The following DPYD variants were observed in gnomAD, a reference collection of about 807,000 sequenced individuals.
DPYD encodes dihydropyrimidine dehydrogenase, also known as dihydropyrimidine dehydrogenase [NADP(+)].
Under a neutral mutation model 116.2 loss-of-function variants are expected in DPYD, and 109 were observed. The observed-to-expected ratio is 0.94, with a 90% confidence interval of 0.80 to 1.10. The LOEUF (loss-of-function observed/expected upper bound fraction) is 1.10, where lower values mean the gene tolerates loss of function less well. DPYD is among the 50% of genes least tolerant of loss of function. The pLI is 0.00. For synonymous variants in DPYD, 440 were observed against 432.0 expected (o/e 1.02, Z -0.23); for missense variants, 1,302 against 1,254.5 (o/e 1.04, Z -0.57).
At chr1:97,240,307 G>GT (rs1662243692) in intron 18 of DPYD, among the ~76,000 whole-genome samples, 1 of 151,888 alleles carries the variant, frequency 6.6e-6, no homozygotes, top group Non-Finnish European at 1.5e-5. Context: ...AAGTTTATTG[G>GT]TGAAAAGGAG....
intron 19 of DPYD, among the ~76,000 whole-genome samples, chr1:97,219,006 A>G (rs374010474): frequency 6.6e-6 from 1 of 152,214 alleles, no homozygotes; most frequent in Admixed American, 6.5e-5. Flanking sequence ...AAAAATCTAA[A>G]TTTGTTTTGA....
Position 97,891,414 on chromosome 1 carries a change from C to T in DPYD, c.40-8040G>A, listed in dbSNP as rs893291382. Among the ~76,000 whole-genome samples the T allele has an allele frequency of 5.8e-5, 5 of 86,604 alleles. No homozygotes were observed. In the East Asian group the frequency reaches 1.7e-3, roughly 29 times the overall value. 56.8% of individuals were successfully genotyped at this position (86,604 alleles called of 152,430 possible). On this transcript the variant is annotated intron_variant, in intron 1 of 22. Coordinates refer to ENST00000370192, the MANE Select transcript of DPYD (RefSeq NM_000110.4). ...CACAATAAAGATACACTGGTTATTC[C>T]AGACGCAGAAAAAAAAATTAGAAAA...
chr1:97,904,871 C>T (rs944023688), intron 1 of DPYD, among the ~76,000 whole-genome samples: 2 of 151,956 alleles, frequency 1.3e-5, no homozygotes, highest in Non-Finnish European at 2.9e-5. Context: ...ACAGTTTGTA[C>T]TCAAAATTCC....
intron 18 of DPYD, among the ~76,000 whole-genome samples, chr1:97,281,446 T>C (rs1570417627): frequency 6.6e-6 from 1 of 151,826 alleles, no homozygotes; most frequent in East Asian, 1.9e-4. Flanking sequence ...ATAATTTAAA[T>C]CAAAGAGCAG....
At chr1:97,800,131 A>G (rs1471197481) in intron 3 of DPYD, among the ~76,000 whole-genome samples, 2 of 152,004 alleles carry the variant, frequency 1.3e-5, no homozygotes, top group Admixed American at 6.6e-5. Flanking sequence ...GGTAGTTTAA[A>G]TTTAAGTAAT....
intron 13 of DPYD, among the ~76,000 whole-genome samples, chr1:97,499,465 T>C (rs2101926113): frequency 6.6e-6 from 1 of 151,992 alleles, no homozygotes; most frequent in South Asian, 2.1e-4. Context: ...ATCTCCAAGA[T>C]TAATGCTAAG....
intron 8 of DPYD, among the ~76,000 whole-genome samples, chr1:97,621,247 TTAA>T (rs1473525399): frequency 6.6e-6 from 1 of 152,144 alleles, no homozygotes; most frequent in African/African-American, 2.4e-5. Flanking sequence ...GTGGTATGAA[TTAA>T]TAATTTTAAT....
At chr1:97,895,246 C>G (rs1202012930) in intron 1 of DPYD, among the ~76,000 whole-genome samples, 1 of 151,542 alleles carries the variant, frequency 6.6e-6, no homozygotes, top group Non-Finnish European at 1.5e-5. Flanking sequence ...ATAAAATACT[C>G]TCATTTACAA....
intron 20 of DPYD, among the ~76,000 whole-genome samples, chr1:97,182,627 G>C (rs2101801773): frequency 6.6e-6 from 1 of 152,178 alleles, no homozygotes; most frequent in African/African-American, 2.4e-5. Context: ...TGGGGACAAA[G>C]CTGTAATGGG....
intron 15 of DPYD, among the ~76,000 whole-genome samples, chr1:97,376,865 T>TTGTG (rs66598688): frequency 8.2e-5 from 11 of 134,722 alleles, no homozygotes; most frequent in East Asian, 2.4e-4. Context: ...AAGAGAGAGT[T>TTGTG]TGTGTGTGTG....
intron 19 of DPYD, among the ~76,000 whole-genome samples, chr1:97,213,686 T>C (rs1570683840): frequency 6.6e-6 from 1 of 152,192 alleles, no homozygotes; most frequent in East Asian, 1.9e-4. Context: ...TCCATGGGGA[T>C]AAAAAAGGAA....
intron 16 of DPYD, among the ~76,000 whole-genome samples, chr1:97,333,107 G>T (rs1433037125): frequency 6.8e-6 from 1 of 147,062 alleles, no homozygotes; most frequent in Non-Finnish European, 1.5e-5. Flanking sequence ...CACCAGGCTG[G>T]AGTGCAGTGC....
chr1:97,088,501 CA>C (rs1649676937), intron 21 of DPYD, among the ~76,000 whole-genome samples: 1 of 152,120 alleles, frequency 6.6e-6, no homozygotes, highest in African/African-American at 2.4e-5. Context: ...CTGAAGTTTG[CA>C]AAGGCTTTCA....
At chr1:97,566,501 A>G (rs1036362807) in intron 11 of DPYD, among the ~76,000 whole-genome samples, 5 of 152,154 alleles carry the variant, frequency 3.3e-5, no homozygotes, top group African/African-American at 1.2e-4. Flanking sequence ...ATTCTTACTT[A>G]TATTAATCCT....
At chr1:97,220,577 T>G (rs1156444286) in intron 19 of DPYD, among the ~76,000 whole-genome samples, 2 of 152,168 alleles carry the variant, frequency 1.3e-5, no homozygotes, top group East Asian at 3.9e-4. Flanking sequence ...GCCTGGGATA[T>G]AGTGGGGCTC....
chr1:97,151,744 C>G (rs1655042224), intron 20 of DPYD, among the ~76,000 whole-genome samples: 1 of 151,868 alleles, frequency 6.6e-6, no homozygotes, highest in South Asian at 2.1e-4. Flanking sequence ...GAAAGATTAT[C>G]TGGTACTATG....
intron 1 of DPYD, among the ~76,000 whole-genome samples, chr1:97,918,066 G>T (rs923703080): frequency 5.3e-5 from 8 of 152,072 alleles, no homozygotes; most frequent in African/African-American, 1.4e-4. Flanking sequence ...ACAAAATTCA[G>T]ACTGTATCCA....
chr1:97,523,635 T>C (rs1423311423), intron 12 of DPYD, among the ~76,000 whole-genome samples: 1 of 152,192 alleles, frequency 6.6e-6, no homozygotes, highest in East Asian at 1.9e-4. Flanking sequence ...TTGCTTCCAC[T>C]TATTGAACTA....
intron 1 of DPYD, 77 bp downstream of exon 1, chr1:97,920,807 G>T: frequency 6.5e-7 from 1 of 1,536,162 alleles, no homozygotes; most frequent in Non-Finnish European, 8.8e-7. Flanking sequence ...GGGGGCCGCG[G>T]GGGCCTCCCC....
Sources: allele counts gnomAD v4.1 joint callset (sites outside exome capture counted in the v4.1 genomes callset), GRCh38; gene constraint gnomAD v4.1.1; transcripts MANE v1.5; gene names NCBI Gene and HGNC (gene_info 2026-07-23, HGNC 2026-07-21).